UTS2B: variants seen among roughly 807,000 people sequenced by gnomAD.
UTS2B encodes urotensin-2B.
In UTS2B, 21 loss-of-function variants were observed where a neutral mutation model predicts 19.2. That is an observed-to-expected ratio of 1.09 (90% CI 0.78 to 1.58). The LOEUF (loss-of-function observed/expected upper bound fraction) is 1.58. Ranked by LOEUF, UTS2B falls within the 40% of genes most tolerant of loss-of-function variation. The pLI is 0.00. For missense variants in UTS2B, 138 were observed against 130.3 expected, an observed-to-expected ratio of 1.06 and a Z score of -0.29; for synonymous variants, 57 against 50.2, an observed-to-expected ratio of 1.14 and a Z score of -0.58.
At chr3:191,298,578 A>G (rs1015191978) in intron 4 of UTS2B, among the ~76,000 whole-genome samples, 2 of 152,172 alleles carry the variant, frequency 1.3e-5, no homozygotes, top group Admixed American at 1.3e-4. Context: ...AGCCAGTTAA[A>G]CCTCATTTCT....
chr3:191,283,271 T>G (rs60146690), intron 4 of UTS2B, among the ~76,000 whole-genome samples: 20 of 152,224 alleles, frequency 1.3e-4, no homozygotes, highest in African/African-American at 4.6e-4. Context: ...AGACTACTAA[T>G]TCATGAATAT....
intron 4 of UTS2B, among the ~76,000 whole-genome samples, chr3:191,292,927 C>T (rs1159606713): frequency 6.6e-6 from 1 of 151,886 alleles, no homozygotes; most frequent in Non-Finnish European, 1.5e-5. Context: ...TAAAATTCCC[C>T]CAGGAGGCAG....
intron 2 of UTS2B, among the ~76,000 whole-genome samples, chr3:191,321,809 C>T (rs1157072581): frequency 3.3e-5 from 5 of 152,132 alleles, no homozygotes; most frequent in Non-Finnish European, 7.4e-5. Context: ...GGCAGATCAC[C>T]TGAGGTCAAG....
intron 5 of UTS2B, among the ~76,000 whole-genome samples, chr3:191,279,846 A>T (rs1052933246): frequency 2.0e-5 from 3 of 152,110 alleles, no homozygotes; most frequent in Non-Finnish European, 4.4e-5. Flanking sequence ...GCTAAAAAAA[A>T]GCAATAGAAA....
chr3:191,282,236 C>CA lies in UTS2B; in HGVS notation c.-48dup, dbSNP rs552026022. ...TAGCAAAGAAACAGACTTTCCAGGTCAAGATGGATATTTCTATAGCTTTGG... is the reference window on the plus strand; with the variant it reads ...TAGCAAAGAAACAGACTTTCCAGGTCAAAGATGGATATTTCTATAGCTTTGG... On this transcript the variant is annotated 5_prime_UTR_variant, in exon 5 of 9. Coordinates refer to ENST00000340524, the MANE Select transcript of UTS2B (RefSeq NM_198152.5). The CA allele has an allele frequency of 4.0e-4, 565 of 1,412,132 alleles. 1 individual carries two copies. The African/African-American group carries it at 7.2e-3, about 18-fold the overall frequency. 87.5% of individuals were successfully genotyped at this position (1,412,132 alleles called of 1,614,324 possible).
Position 191,291,228 on chromosome 3 carries a change from T to C in UTS2B, c.-124-8915A>G, listed in dbSNP as rs1234189516. On this transcript the variant is annotated intron_variant, in intron 4 of 8. Coordinates refer to ENST00000340524, the MANE Select transcript of UTS2B (RefSeq NM_198152.5). ...TTCTAGTTCCTTATCAGATACATAATTTGAAAACATTTTTTCACAATCTGA... is the reference window on the plus strand; with the variant it reads ...TTCTAGTTCCTTATCAGATACATAACTTGAAAACATTTTTTCACAATCTGA... 3.4e-4 allele frequency among the ~76,000 whole-genome samples: 51 copies of C among 152,192 alleles called. 1 individual carries two copies. Among genetic ancestry groups the C allele is most frequent in the Admixed American group, 3.3e-3 (51 of 15,272 alleles).
At chr3:191,324,076 T>C (rs1717677828) in intron 2 of UTS2B, among the ~76,000 whole-genome samples, 1 of 152,170 alleles carries the variant, frequency 6.6e-6, no homozygotes, top group African/African-American at 2.4e-5. Flanking sequence ...TCTGCCCTTA[T>C]GAATGCATTA....
chr3:191,344,309 G>C, the UTS2B span, among the ~76,000 whole-genome samples: 1 of 152,200 alleles, frequency 6.6e-6, no homozygotes, highest in Non-Finnish European at 1.5e-5. Flanking sequence ...TAGAACAACT[G>C]TGATGATGCA....
At chr3:191,286,807 A>C (rs1199570599) in intron 4 of UTS2B, among the ~76,000 whole-genome samples, 1 of 148,848 alleles carries the variant, frequency 6.7e-6, no homozygotes, top group Non-Finnish European at 1.5e-5. Context: ...AGAACAATAG[A>C]AAAGAGCAAA....
the UTS2B span, among the ~76,000 whole-genome samples, chr3:191,339,683 TC>T: frequency 6.6e-6 from 1 of 152,208 alleles, no homozygotes; most frequent in Non-Finnish European, 1.5e-5. Flanking sequence ...TGTACTCTGA[TC>T]ATCTGGCCCC....
intron 5 of UTS2B, among the ~76,000 whole-genome samples, chr3:191,279,867 T>C (rs372797575): frequency 5.3e-5 from 8 of 151,890 alleles, no homozygotes; most frequent in African/African-American, 1.4e-4. Flanking sequence ...ATGAGTCTTT[T>C]GTTTCTTGTT....
chr3:191,285,982 C>T (rs1716533464), intron 4 of UTS2B, among the ~76,000 whole-genome samples: 1 of 152,008 alleles, frequency 6.6e-6, no homozygotes, highest in Non-Finnish European at 1.5e-5. Context: ...GATAGTTAAG[C>T]TTATATCAGA....
the UTS2B span, among the ~76,000 whole-genome samples, chr3:191,335,669 A>C: frequency 6.6e-6 from 1 of 152,166 alleles, no homozygotes; most frequent in Admixed American, 6.5e-5. Context: ...TTTAGCCTAC[A>C]TTGAGAAAAA....
chr3:191,314,323 C>A (rs1322022064), intron 3 of UTS2B, among the ~76,000 whole-genome samples: 3 of 152,302 alleles, frequency 2.0e-5, no homozygotes, highest in East Asian at 3.9e-4. Context: ...GTACCCTACT[C>A]CACAAGTTCC....
intron 5 of UTS2B, among the ~76,000 whole-genome samples, chr3:191,280,065 C>A (rs955043234): frequency 6.6e-6 from 1 of 152,048 alleles, no homozygotes; most frequent in Non-Finnish European, 1.5e-5. Context: ...GCAAATATTA[C>A]ACAGAAAATG....
chr3:191,274,770 AAAGT>A (rs746714827), intron 8 of UTS2B, among the ~76,000 whole-genome samples: 4 of 152,228 alleles, frequency 2.6e-5, no homozygotes, highest in Non-Finnish European at 5.9e-5. Flanking sequence ...AAATAAAAAC[AAAGT>A]AAGAAACAAT....
At chr3:191,343,333 G>A in the UTS2B span, among the ~76,000 whole-genome samples, 41 of 152,300 alleles carry the variant, frequency 2.7e-4, no homozygotes, top group Admixed American at 4.6e-4. Flanking sequence ...CAAAGTAAGA[G>A]TTCTCTTGGT....
chr3:191,318,047 G>A (rs981851039), intron 2 of UTS2B, among the ~76,000 whole-genome samples: 8 of 152,124 alleles, frequency 5.3e-5, no homozygotes, highest in African/African-American at 1.9e-4. Context: ...TCAACAGGAG[G>A]GGAAATTGAT....
chr3:191,341,797 T>C, the UTS2B span, among the ~76,000 whole-genome samples: 1 of 152,256 alleles, frequency 6.6e-6, no homozygotes, highest in African/African-American at 2.4e-5. Context: ...TTAAAATCTA[T>C]GTGTAACTCC....
Sources: gnomAD v4.1 joint callset for allele counts (sites outside exome capture counted in the v4.1 genomes callset) on GRCh38, gnomAD v4.1.1 for gene constraint, MANE v1.5 for transcripts, NCBI Gene and HGNC (gene_info 2026-07-23, HGNC 2026-07-21) for gene names.